TAFA4: variants seen among roughly 807,000 people sequenced by gnomAD.
TAFA4 encodes the protein TAFA chemokine like family member 4.
A neutral mutation model predicts 21.1 loss-of-function variants in TAFA4; 20 were observed. The ratio of observed to expected loss-of-function variants is 0.95; its 90% CI spans 0.67 to 1.38. TAFA4 has a LOEUF of 1.38. TAFA4 is among the 40% of genes most tolerant of loss of function. The pLI is 0.00. For missense variants in TAFA4, 211 were observed against 180.9 expected (o/e 1.17, Z -0.95); for synonymous variants, 71 against 67.4 (o/e 1.05, Z -0.26).
At chr3:68,900,975 C>T (rs148485632) in intron 1 of TAFA4, among the ~76,000 whole-genome samples, 2 of 152,304 alleles carry the variant, frequency 1.3e-5, no homozygotes, top group African/African-American at 4.8e-5. Flanking sequence ...AGTTCAGCCA[C>T]CCATGGCTAA....
chr3:68,771,716 C>CA (rs1199550158), intron 3 of TAFA4, among the ~76,000 whole-genome samples: 69 of 152,016 alleles, frequency 4.5e-4, no homozygotes, highest in Admixed American at 4.5e-3. Context: ...CAAACAGATT[C>CA]AGAGGTGTGA....
intron 5 of TAFA4, 104 bp from the exon 6 acceptor site, chr3:68,733,257 G>C (rs1345260993): frequency 1.4e-5 from 20 of 1,426,274 alleles, no homozygotes; most frequent in Non-Finnish European, 1.9e-5. Context: ...TACTTTATCA[G>C]TTTGTACATT....
At chr3:68,930,357 AAGAT>A (rs1195108322) in intron 1 of TAFA4, among the ~76,000 whole-genome samples, 1 of 152,232 alleles carries the variant, frequency 6.6e-6, no homozygotes, top group Admixed American at 6.5e-5. Flanking sequence ...AAGTCATTCA[AAGAT>A]AGAGAAATTG....
At chr3:68,787,276 C>G (rs899733507) in intron 3 of TAFA4, among the ~76,000 whole-genome samples, 1 of 152,168 alleles carries the variant, frequency 6.6e-6, no homozygotes, top group Non-Finnish European at 1.5e-5. Context: ...TTGCAACAAA[C>G]TAACCCCCTA....
At chr3:68,803,511 C>T (rs1162871497) in intron 3 of TAFA4, among the ~76,000 whole-genome samples, 3 of 152,226 alleles carry the variant, frequency 2.0e-5, no homozygotes, top group African/African-American at 7.2e-5. Context: ...TCATAGGGGC[C>T]TGTTTTGCCA....
intron 1 of TAFA4, among the ~76,000 whole-genome samples, chr3:68,916,922 T>A (rs985111288): frequency 6.6e-6 from 1 of 152,194 alleles, no homozygotes; most frequent in African/African-American, 2.4e-5. Flanking sequence ...ATATCTCCTA[T>A]GGCTACCCTG....
intron 3 of TAFA4, among the ~76,000 whole-genome samples, chr3:68,825,507 C>T (rs1431573502): frequency 6.7e-6 from 1 of 148,342 alleles, no homozygotes; most frequent in Non-Finnish European, 1.5e-5. Context: ...GTAACAGTTT[C>T]TTTAATGGCT....
chr3:68,767,510 A>G (rs1214120958), intron 3 of TAFA4, among the ~76,000 whole-genome samples: 2 of 152,302 alleles, frequency 1.3e-5, no homozygotes, highest in African/African-American at 4.8e-5. Flanking sequence ...ACAAGAGGTT[A>G]TAAGTAAAAT....
intron 3 of TAFA4, among the ~76,000 whole-genome samples, chr3:68,793,212 A>G (rs1703395206): frequency 6.6e-6 from 1 of 152,202 alleles, no homozygotes; most frequent in Non-Finnish European, 1.5e-5. Context: ...ATTCAGAAAA[A>G]AAGAAGATGG....
At chr3:68,905,590 G>A (rs2106993039) in intron 1 of TAFA4, among the ~76,000 whole-genome samples, 1 of 152,224 alleles carries the variant, frequency 6.6e-6, no homozygotes, top group South Asian at 2.1e-4. Context: ...ATTTAGCAAG[G>A]GGAGTCAGGG....
intron 1 of TAFA4, among the ~76,000 whole-genome samples, chr3:68,922,963 C>A (rs1158610558): frequency 6.6e-6 from 1 of 152,158 alleles, no homozygotes. Context: ...TCTGCTCCCC[C>A]AACTCACCCA....
intron 3 of TAFA4, among the ~76,000 whole-genome samples, chr3:68,769,836 G>A (rs1702920037): frequency 1.3e-5 from 2 of 152,080 alleles, no homozygotes; most frequent in African/African-American, 4.8e-5. Context: ...TAAGGGCAGG[G>A]AACACAACTC....
At chr3:68,783,259 A>C (rs1031764248) in intron 3 of TAFA4, among the ~76,000 whole-genome samples, 1 of 152,228 alleles carries the variant, frequency 6.6e-6, no homozygotes, top group Non-Finnish European at 1.5e-5. Context: ...TCAACATTGA[A>C]CTAGAGGTCC....
intron 1 of TAFA4, among the ~76,000 whole-genome samples, chr3:68,921,167 G>A (rs950837975): frequency 2.6e-5 from 4 of 152,058 alleles, no homozygotes; most frequent in African/African-American, 7.2e-5. Context: ...CCTGCTGCCC[G>A]CAAGAGGGGA....
chr3:68,837,714 A>G (rs1259116504), intron 3 of TAFA4, among the ~76,000 whole-genome samples: 1 of 152,218 alleles, frequency 6.6e-6, no homozygotes, highest in Non-Finnish European at 1.5e-5. Flanking sequence ...TATATACTCT[A>G]GGATTGGGAC....
rs1293659540 is a variant in TAFA4 at position 68,783,750 on chromosome 3, A to AAAGAAAGAAAGT, written c.131-30733_131-30732insACTTTCTTTCTT. On this transcript the variant is annotated intron_variant, in intron 3 of 5. Transcript: ENST00000295569. ...GAAAGAAAGAAAGAAAGAAAGTAAGAAAGAAAGAAACAAAAACAAAGAAAC... is the reference window on the plus strand; with the variant it reads ...GAAAGAAAGAAAGAAAGAAAGTAAGAAAGAAAGAAAGTAAGAAAGAAACAAAAACAAAGAAAC... Among the ~76,000 whole-genome samples, 531 of 145,878 alleles carry AAAGAAAGAAAGT rather than the reference A, an allele frequency of 3.6e-3. 6 individuals carry two copies. The highest frequency in any genetic ancestry group is 0.011 in the East Asian group (50 of 4,680).
At chr3:68,876,405 G>A (rs1042576070) in intron 3 of TAFA4, among the ~76,000 whole-genome samples, 4 of 152,126 alleles carry the variant, frequency 2.6e-5, no homozygotes, top group African/African-American at 7.2e-5. Context: ...AAGTATAGCC[G>A]CCTGTACATA....
chr3:68,735,499 T>C (rs1702223863), intron 5 of TAFA4, among the ~76,000 whole-genome samples: 1 of 152,134 alleles, frequency 6.6e-6, no homozygotes, highest in African/African-American at 2.4e-5. Flanking sequence ...CGTGGTTTTC[T>C]AAGCCCTATC....
chr3:68,899,940 C>A (rs1356218177), intron 1 of TAFA4, among the ~76,000 whole-genome samples: 2 of 151,838 alleles, frequency 1.3e-5, no homozygotes, highest in Non-Finnish European at 2.9e-5. Context: ...AGACATTTAA[C>A]CTTTAATTAA....
Sources: gnomAD v4.1 joint callset for allele counts (sites outside exome capture counted in the v4.1 genomes callset) on GRCh38, gnomAD v4.1.1 for gene constraint, MANE v1.5 for transcripts, NCBI Gene and HGNC (gene_info 2026-07-23, HGNC 2026-07-21) for gene names.